The following ACAN variants were observed in gnomAD, a reference collection of about 807,000 sequenced individuals.
ACAN encodes the protein aggrecan core protein.
Under a neutral mutation model 169.1 loss-of-function variants are expected in ACAN, and 47 were observed. The ratio of observed to expected loss-of-function variants is 0.28; its 90% CI spans 0.22 to 0.35. The LOEUF (loss-of-function observed/expected upper bound fraction) is 0.35. ACAN is among the 10% of genes least tolerant of loss of function. The pLI is 1.00. For missense variants in ACAN, 2,716 were observed against 2,759.9 expected, an observed-to-expected ratio of 0.98 and a Z score of 0.36; for synonymous variants, 1,115 against 1,112.2, an observed-to-expected ratio of 1.00 and a Z score of -0.05.
Position 88,858,363 on chromosome 15 carries a change from A to G in ACAN, c.5778A>G (p.Gly1926=), listed in dbSNP as rs887066586. The change falls in exon 12 of 19, where the codon GGA becomes GGG. Residue 1926 remains glycine, a synonymous_variant. Coordinates refer to ENST00000560601, the MANE Select transcript of ACAN (RefSeq NM_001369268.1). The surrounding 1 kb of genome is among the most constrained non-coding windows in gnomAD (Gnocchi z 4.0). ...SLPSGAYYGS[G]TPSSFPTVSL... ...CCTCGGGAGCATATTATGGCAGTGG[A>G]ACTCCATCTAGTTTCCCCACTGTCT... The G allele has an allele frequency of 6.2e-7, 1 of 1,613,782 alleles. No homozygotes were observed. Among genetic ancestry groups the G allele is most frequent in the African/African-American group, 1.3e-5 (1 of 74,924 alleles).
In ACAN at chr15:88,845,459, C is replaced by A. The variant is rs772396580; in HGVS notation, c.1052-46C>A. 3 of 1,551,550 alleles carry A rather than the reference C, an allele frequency of 1.9e-6. No homozygotes were observed. In the African/African-American group the frequency reaches 4.1e-5, roughly 21 times the overall value. ...AGCCCACTCCTCATCCCCCTCAAGC[C>A]GGTCCCAGGCTGAGAGGCTAAAGCT... On this transcript the variant is annotated intron_variant, in intron 6 of 18. Coordinates refer to ENST00000560601, the MANE Select transcript of ACAN (RefSeq NM_001369268.1).
chr15:88,836,996 T>C (rs1286147119), intron 2 of ACAN, among the ~76,000 whole-genome samples: 1 of 152,216 alleles, frequency 6.6e-6, no homozygotes, highest in African/African-American at 2.4e-5. Context: ...GGCCAATGTG[T>C]CTGCCCAAAT....
At chr15:88,832,243 T>C (rs1472634043) in intron 1 of ACAN, among the ~76,000 whole-genome samples, 1 of 150,596 alleles carries the variant, frequency 6.6e-6, no homozygotes, top group Non-Finnish European at 1.5e-5. Flanking sequence ...TTGTATTATG[T>C]GGAAAAGACA....
intron 1 of ACAN, among the ~76,000 whole-genome samples, chr15:88,828,360 C>G (rs1311455594): frequency 6.6e-6 from 1 of 152,096 alleles, no homozygotes; most frequent in Admixed American, 6.5e-5. Context: ...AGGTATGACA[C>G]TCTCCGTGGT....
At chr15:88,815,070 G>C (rs1183505050) in intron 1 of ACAN, among the ~76,000 whole-genome samples, 4 of 151,622 alleles carry the variant, frequency 2.6e-5, no homozygotes, top group Admixed American at 6.6e-5. Context: ...AGACAGGACA[G>C]AAATCCGGAA....
chr15:88,829,829 C>T (rs1189672563), intron 1 of ACAN, among the ~76,000 whole-genome samples: 1 of 152,174 alleles, frequency 6.6e-6, no homozygotes. Flanking sequence ...TTGTGTTATT[C>T]CTGGTACTGT....
rs747535301 is a variant in ACAN at position 88,859,373 on chromosome 15, C to A, written c.6788C>A (p.Pro2263Gln). 5.6e-5 allele frequency: 88 copies of A among 1,577,576 alleles called. 1 individual carries two copies. The South Asian group carries it at 1.0e-3, about 18-fold the overall frequency. Residue 2263 changes from proline (P) to glutamine (Q), a missense_variant, in exon 12 of 19, where the codon CCA becomes CAA. Coordinates refer to ENST00000560601, the MANE Select transcript of ACAN (RefSeq NM_001369268.1). ...TATSPTDASI[P>Q]ASPEWKRESE... Reference sequence around the variant, plus strand: ...ACCTCCCCAACAGATGCTTCCATCCCAGCTTCTCCGGAATGGAAACGTGAA... The same window carrying A: ...ACCTCCCCAACAGATGCTTCCATCCAAGCTTCTCCGGAATGGAAACGTGAA...
chr15:88,857,518 G>A lies in ACAN; in HGVS notation c.4933G>A (p.Gly1645Ser). 6.2e-7 allele frequency: 1 copy of A among 1,613,928 alleles called. No homozygotes were observed. Among genetic ancestry groups the A allele is most frequent in the Non-Finnish European group, 8.5e-7 (1 of 1,179,894 alleles). The change falls in exon 12 of 19, where the codon GGC (glycine) becomes AGC (serine). Residue 1645 changes from glycine (G) to serine (S), a missense_variant. Coordinates refer to ENST00000560601, the MANE Select transcript of ACAN (RefSeq NM_001369268.1). ...GGACCTTGGAAGTGGCCCACCCTCT[G>A]GCCTGCCTGACTTTAGTGGACTTCC... is the stretch of plus-strand genomic sequence containing the variant. Reference protein sequence around the residue: ...GVDLGSGPPSGLPDFSGLPSG... With the variant: ...GVDLGSGPPSSLPDFSGLPSG...
chr15:88,847,790 T>C, intron 8 of ACAN, 121 bp from the exon 9 acceptor site: 1 of 1,297,356 alleles, frequency 7.7e-7, no homozygotes, highest in Admixed American at 2.7e-5. Context: ...CTGGTTTGAA[T>C]ACCACCAGAC....
chr15:88,834,603 C>T (rs1281793543), intron 1 of ACAN, among the ~76,000 whole-genome samples: 1 of 152,240 alleles, frequency 6.6e-6, no homozygotes, highest in South Asian at 2.1e-4. Context: ...AGTCCCAGAT[C>T]CTCCATCCGC....
chr15:88,824,513 C>T (rs181133654), intron 1 of ACAN, among the ~76,000 whole-genome samples: 6 of 152,232 alleles, frequency 3.9e-5, no homozygotes, highest in South Asian at 4.1e-4. Context: ...ACTCCCTGCC[C>T]TCATGGGGTG....
At chr15:88,829,514 G>T (rs1896307386) in intron 1 of ACAN, among the ~76,000 whole-genome samples, 1 of 152,168 alleles carries the variant, frequency 6.6e-6, no homozygotes, top group Non-Finnish European at 1.5e-5. Context: ...TTTTCCCTAT[G>T]CTGGGTTTGA....
rs1260878311 is a variant in ACAN, at chr15:88,857,584, G to A, written c.4999G>A (p.Val1667Met). 1.2e-6 allele frequency: 2 copies of A among 1,613,946 alleles called. No individual in the cohort carries two copies. Among genetic ancestry groups the A allele is most frequent in the Admixed American group, 1.7e-5 (1 of 60,028 alleles). ...TGTTTCCCTAGTGGATTCTACATTG[G>A]TGGAAGTGGTCACAGCCTCCACTGC... is the stretch of plus-strand genomic sequence containing the variant. ...PTVSLVDSTL[V>M]EVVTASTASE... Residue 1667 changes from valine (V) to methionine (M), a missense_variant, in exon 12 of 19, where the codon GTG becomes ATG. Val to Met is a conservative substitution (Grantham distance 21, BLOSUM62 1). Coordinates refer to ENST00000560601, the MANE Select transcript of ACAN (RefSeq NM_001369268.1).
At chr15:88,864,622 T>A (rs1897253082) in intron 13 of ACAN, among the ~76,000 whole-genome samples, 2 of 152,230 alleles carry the variant, frequency 1.3e-5, no homozygotes, top group South Asian at 4.1e-4. Context: ...TGAATATGCT[T>A]TTATAATCCT....
In ACAN at chr15:88,843,784, G is replaced by C. The variant is rs1596135397; in HGVS notation, c.1051+136G>C. 8 of 1,101,064 alleles carry C rather than the reference G, an allele frequency of 7.3e-6. No homozygotes were observed. In the East Asian group the frequency reaches 2.0e-4, roughly 28 times the overall value. The allele number at this position is 1,101,064 out of a possible 1,614,324, so 68.2% of individuals were successfully genotyped here. A position where few individuals can be genotyped will look rare whatever the true frequency, so the allele number is the denominator to read the frequency against. The stretch of plus-strand genomic sequence containing the variant: ...GGGGTACCTGAACCCCATGTTTTTA[G>C]GACACCCCTCCATTTTCACTGGTTC... On this transcript the variant is annotated intron_variant, in intron 6 of 18. Coordinates refer to ENST00000560601, the MANE Select transcript of ACAN (RefSeq NM_001369268.1). This position sits in a 1 kb window ranked among gnomAD's most constrained non-coding sequence, Gnocchi z 4.0.
intron 6 of ACAN, among the ~76,000 whole-genome samples, chr15:88,845,228 G>A (rs1288428883): frequency 6.6e-6 from 1 of 152,224 alleles, no homozygotes; most frequent in Non-Finnish European, 1.5e-5. Flanking sequence ...CTGTTGGGGT[G>A]GGAACTGATC....
At chr15:88,865,953 T>C (rs867060640) in intron 13 of ACAN, among the ~76,000 whole-genome samples, 1 of 152,140 alleles carries the variant, frequency 6.6e-6, no homozygotes, top group East Asian at 1.9e-4. Flanking sequence ...ACAGGTTTTC[T>C]GACTTTCAGG....
In ACAN at chr15:88,857,604, C is replaced by T. The variant is rs751889943; in HGVS notation, c.5019C>T (p.Ser1673=). 2.2e-5 allele frequency: 35 copies of T among 1,613,908 alleles called. No homozygotes were observed. The highest frequency in any genetic ancestry group is 3.0e-5 in the Non-Finnish European group (35 of 1,179,890). ...CATTGGTGGAAGTGGTCACAGCCTCCACTGCAAGTGAACTGGAAGGGAGGG... is the reference window on the plus strand; with the variant it reads ...CATTGGTGGAAGTGGTCACAGCCTCTACTGCAAGTGAACTGGAAGGGAGGG... ...DSTLVEVVTA[S]TASELEGRGT... is the part of the protein sequence containing the mutation. Residue 1673 remains serine, a synonymous_variant, in exon 12 of 19, where the codon TCC becomes TCT. Transcript: ENST00000560601.
At chr15:88,842,326 C>T (rs1175643634) in intron 5 of ACAN, among the ~76,000 whole-genome samples, 3 of 152,170 alleles carry the variant, frequency 2.0e-5, no homozygotes, top group African/African-American at 7.2e-5. Flanking sequence ...GCAGCCCCAG[C>T]TCTGTTCTTG....
Sources: gnomAD v4.1 joint callset for allele counts (sites outside exome capture counted in the v4.1 genomes callset) on GRCh38, gnomAD v4.1.1 for gene constraint, Gnocchi (gnomAD v3.1) non-coding constraint, MANE v1.5 for transcripts, NCBI Gene and HGNC (gene_info 2026-07-23, HGNC 2026-07-21) for gene names.